The following TRIM14 variants were observed in gnomAD, a reference collection of about 807,000 sequenced individuals.
The protein encoded by TRIM14 is tripartite motif-containing protein 14.
Under a neutral mutation model 44.5 loss-of-function variants are expected in TRIM14, and 28 were observed. The ratio of observed to expected loss-of-function variants is 0.63; its 90% CI spans 0.47 to 0.86. TRIM14 has a LOEUF of 0.86. Among genes scored for constraint, TRIM14 ranks in the 40% least tolerant of loss-of-function variants. The pLI, the probability that TRIM14 is intolerant of heterozygous loss-of-function variation, is 0.00. For missense variants in TRIM14, 607 were observed against 611.1 expected, an observed-to-expected ratio of 0.99 and a Z score of 0.07; for synonymous variants, 299 against 269.2, an observed-to-expected ratio of 1.11 and a Z score of -1.08.
rs765982913 is a variant in TRIM14 at position 98,087,925 on chromosome 9, C to G, written c.874G>C (p.Gly292Arg). 1 of 1,565,560 alleles carries G rather than the reference C, an allele frequency of 6.4e-7. No homozygotes were observed. The highest frequency in any genetic ancestry group is 8.6e-7 in the Non-Finnish European group (1 of 1,166,114). ...ACGGGCCCCAGGCTGCCCAGCAGGC[C>G]GCAGCGCACCGTCAGGCGATCGGCG... ...LSADRLTVRCGLLGSLGPVPV... is the reference protein window; with the variant it reads ...LSADRLTVRCRLLGSLGPVPV... Residue 292 changes from glycine (G) to arginine (R), a missense_variant, in exon 6 of 6, where the codon GGC (glycine) becomes CGC (arginine). Physicochemically the swap from Gly to Arg is moderately radical, Grantham distance 125. Transcript: ENST00000341469.
At chr9:98,054,317 T>C in the TRIM14 span, among the ~76,000 whole-genome samples, 64 of 151,430 alleles carry the variant, frequency 4.2e-4, no homozygotes, top group Middle Eastern at 3.4e-3. Context: ...ATTCCAAGAG[T>C]ATTCCTTCCA....
chr9:98,099,297 A>T (rs1564180685), intron 3 of TRIM14, among the ~76,000 whole-genome samples: 1 of 152,010 alleles, frequency 6.6e-6, no homozygotes, highest in Non-Finnish European at 1.5e-5. Flanking sequence ...TACTAAAAAT[A>T]CAAAATTAGC....
At chr9:98,073,532 C>T (rs1228881432) in intron 6 of TRIM14, among the ~76,000 whole-genome samples, 1 of 151,272 alleles carries the variant, frequency 6.6e-6, no homozygotes, top group Non-Finnish European at 1.5e-5. Context: ...ATCTGCCCGC[C>T]ACGGCCTCCC....
In TRIM14 at chr9:98,095,122, A is replaced by C. The variant is rs1013577183; in HGVS notation, c.538-93T>G. 1.2e-5 allele frequency: 17 copies of C among 1,472,046 alleles called. No homozygotes were observed. The highest frequency in any genetic ancestry group is 1.5e-5 in the Non-Finnish European group (17 of 1,105,846). The allele number at this position is 1,472,046 out of a possible 1,614,324, so 91.2% of individuals were successfully genotyped here. The stretch of plus-strand genomic sequence containing the variant: ...CACCCAGGAACAAACCCACACCAGC[A>C]TGCCCAGGCTCCACGTTGGCCTGGC... On this transcript the variant is annotated intron_variant, in intron 3 of 5. Transcript: ENST00000341469. This position sits in a 1 kb window ranked among gnomAD's most constrained non-coding sequence, Gnocchi z 4.1.
intron 2 of TRIM14, among the ~76,000 whole-genome samples, chr9:98,101,628 C>T (rs1396379486): frequency 2.0e-5 from 3 of 152,014 alleles, no homozygotes; most frequent in Admixed American, 2.0e-4. Context: ...CACTGTTGGC[C>T]AGGCTGGGTC....
downstream of TRIM14, chr9:98,069,170 T>C (rs1229813644): frequency 6.6e-6 from 1 of 152,210 alleles, no homozygotes. Context: ...TCTTAGTAGC[T>C]CAAAACTAGA....
At chr9:98,078,270 A>T (rs1483500799) in intron 6 of TRIM14, 2 of 1,613,932 alleles carry the variant, frequency 1.2e-6, no homozygotes, top group Non-Finnish European at 1.7e-6. Context: ...GAAGCCCCTC[A>T]ACCCCAACTT....
chr9:98,056,561 G>A, the TRIM14 span, among the ~76,000 whole-genome samples: 6 of 152,306 alleles, frequency 3.9e-5, no homozygotes, highest in African/African-American at 1.4e-4. Context: ...TCGCACAGGA[G>A]AGGGCCGCGG....
chr9:98,054,405 C>T, the TRIM14 span, among the ~76,000 whole-genome samples: 1 of 152,172 alleles, frequency 6.6e-6, no homozygotes, highest in African/African-American at 2.4e-5. Context: ...CAAGACTCTT[C>T]CTACTAATTA....
At chr9:98,080,710 C>G, downstream of TRIM14, 14 of 1,305,844 alleles carry the variant, frequency 1.1e-5, no homozygotes, top group Non-Finnish European at 1.4e-5. Context: ...CCTGGCTGCA[C>G]AGCTAGTGAG....
chr9:98,053,683 T>C, the TRIM14 span, among the ~76,000 whole-genome samples: 1 of 152,038 alleles, frequency 6.6e-6, no homozygotes, highest in Non-Finnish European at 1.5e-5. Flanking sequence ...TAATAAGTTG[T>C]TACCCTTTTT....
chr9:98,072,373 C>T (rs1829376339), intron 6 of TRIM14, among the ~76,000 whole-genome samples: 1 of 151,806 alleles, frequency 6.6e-6, no homozygotes, highest in Non-Finnish European at 1.5e-5. Flanking sequence ...CCCAGCTAGT[C>T]CCCTGCCTGA....
intron 3 of TRIM14, among the ~76,000 whole-genome samples, chr9:98,096,709 C>A (rs1339731100): frequency 6.6e-6 from 1 of 152,116 alleles, no homozygotes; most frequent in East Asian, 1.9e-4. Context: ...TCTTGACCTG[C>A]CTGTTTCTCC....
chr9:98,051,490 T>C, the TRIM14 span, among the ~76,000 whole-genome samples: 2 of 151,210 alleles, frequency 1.3e-5, no homozygotes, highest in African/African-American at 2.5e-5. Context: ...ATAAAGTCTG[T>C]TGTGGAACCA....
chr9:98,089,543 GC>G (rs1254932141), intron 5 of TRIM14, among the ~76,000 whole-genome samples: 2 of 152,066 alleles, frequency 1.3e-5, no homozygotes, highest in East Asian at 3.9e-4. Flanking sequence ...TCCCTACAGG[GC>G]AAACTTATCT....
chr9:98,079,744 G>A (rs150745575), downstream of TRIM14, among the ~76,000 whole-genome samples: 7 of 152,264 alleles, frequency 4.6e-5, no homozygotes, highest in East Asian at 1.2e-3. Flanking sequence ...GTGCTGTCAT[G>A]TCCTCTCTCT....
chr9:98,110,158 C>T lies in TRIM14; in HGVS notation c.208-174G>A, dbSNP rs1377758748. The T allele has an allele frequency of 1.3e-5, 8 of 598,252 alleles. No individual in the cohort carries two copies. The East Asian group carries it at 2.2e-4, about 17-fold the overall frequency. The allele number at this position is 598,252 out of a possible 1,614,324, so 37.1% of individuals were successfully genotyped here. A position where few individuals can be genotyped will look rare whatever the true frequency, so the allele number is the denominator to read the frequency against. ...GTTGGTGGATGAGCTGGGACTAGGA[C>T]ATCTCTGATCCTCGGAGGTCCACAT... On this transcript the variant is annotated intron_variant, in intron 1 of 5. Coordinates refer to ENST00000341469, the MANE Select transcript of TRIM14 (RefSeq NM_014788.4).
At chr9:98,044,973 TATGACGGTGC>T in the TRIM14 span, among the ~76,000 whole-genome samples, 1 of 151,892 alleles carries the variant, frequency 6.6e-6, no homozygotes, top group East Asian at 1.9e-4. Flanking sequence ...ATTAGCTGGG[TATGACGGTGC>T]ATGCCTGTGG....
At chr9:98,051,197 A>G in the TRIM14 span, among the ~76,000 whole-genome samples, 1 of 152,234 alleles carries the variant, frequency 6.6e-6, no homozygotes, top group African/African-American at 2.4e-5. Flanking sequence ...GGAGACTACT[A>G]TTATGACTAT....
Sources: gnomAD v4.1 joint callset for allele counts (sites outside exome capture counted in the v4.1 genomes callset) on GRCh38, gnomAD v4.1.1 for gene constraint, Gnocchi (gnomAD v3.1) non-coding constraint, MANE v1.5 for transcripts, NCBI Gene and HGNC (gene_info 2026-07-23, HGNC 2026-07-21) for gene names.